Variants in ITSN2 observed in about 807,000 individuals in gnomAD.
ITSN2 encodes intersectin-2.
A neutral mutation model predicts 243.7 loss-of-function variants in ITSN2; 156 were observed. The ratio of observed to expected loss-of-function variants is 0.64; its 90% CI spans 0.56 to 0.73. ITSN2 has a LOEUF of 0.73. Ranked by LOEUF, ITSN2 falls within the 30% of genes least tolerant of loss-of-function variation. ITSN2 has a pLI of 0.00. For missense variants in ITSN2, 1,801 were observed against 1,996.1 expected (o/e 0.90, Z 1.86); for synonymous variants, 703 against 699.9 (o/e 1.00, Z -0.07).
At chr2:24,265,563 C>T (rs867751073) in intron 20 of ITSN2, among the ~76,000 whole-genome samples, 4 of 152,130 alleles carry the variant, frequency 2.6e-5, no homozygotes, top group South Asian at 2.1e-4. Context: ...TCTCCTTTTC[C>T]AATCTTGATG....
At chr2:24,290,923 T>C (rs1487806250) in intron 15 of ITSN2, among the ~76,000 whole-genome samples, 1 of 152,188 alleles carries the variant, frequency 6.6e-6, no homozygotes, top group African/African-American at 2.4e-5. Context: ...TACCAAAGTT[T>C]TTCTTTTTCA....
chr2:24,315,273 A>G, intron 2 of ITSN2, 49 bp from the exon 3 acceptor site: 1 of 981,878 alleles, frequency 1.0e-6, no homozygotes. Context: ...GAATGCTTAA[A>G]ATACAATTCT....
chr2:24,305,783 T>C (rs1017866926), intron 8 of ITSN2, among the ~76,000 whole-genome samples: 1 of 152,062 alleles, frequency 6.6e-6, no homozygotes, highest in Non-Finnish European at 1.5e-5. Context: ...AGAATAATAA[T>C]GACATTCCCT....
At chr2:24,356,370 A>G (rs375107225) in intron 1 of ITSN2, among the ~76,000 whole-genome samples, 16 of 151,654 alleles carry the variant, frequency 1.1e-4, no homozygotes, top group African/African-American at 3.9e-4. Flanking sequence ...AAAGAAAGAA[A>G]AAAAGAAACT....
intron 20 of ITSN2, 93 bp from the exon 21 acceptor site, chr2:24,261,835 C>T: frequency 1.1e-6 from 1 of 917,366 alleles, no homozygotes; most frequent in East Asian, 2.6e-5. Flanking sequence ...TTCTCATTTT[C>T]AGAATTAAGC....
At chr2:24,259,103 A>G (rs1276599819) in intron 22 of ITSN2, among the ~76,000 whole-genome samples, 8 of 152,236 alleles carry the variant, frequency 5.3e-5, no homozygotes, top group Non-Finnish European at 1.0e-4. Context: ...CCTAATACAC[A>G]TAGCTTAAAC....
chr2:24,274,187 T>C (rs1255956483), intron 18 of ITSN2, among the ~76,000 whole-genome samples: 1 of 152,202 alleles, frequency 6.6e-6, no homozygotes, highest in Non-Finnish European at 1.5e-5. Flanking sequence ...AGTTAAGCAG[T>C]AAATAAGAGC....
chr2:24,347,300 A>T (rs1476022836), intron 1 of ITSN2, among the ~76,000 whole-genome samples: 6 of 152,234 alleles, frequency 3.9e-5, no homozygotes, highest in Non-Finnish European at 8.8e-5. Flanking sequence ...TTAAAGTTAC[A>T]TTCACTCAGA....
At chr2:24,326,041 G>A (rs1230295489) in intron 2 of ITSN2, among the ~76,000 whole-genome samples, 1 of 152,108 alleles carries the variant, frequency 6.6e-6, no homozygotes, top group Admixed American at 6.6e-5. Flanking sequence ...AGGATTACTA[G>A]AGGAGCAAAG....
At chr2:24,226,397 A>G (rs956536920) in intron 29 of ITSN2, among the ~76,000 whole-genome samples, 4 of 152,246 alleles carry the variant, frequency 2.6e-5, no homozygotes, top group African/African-American at 9.6e-5. Flanking sequence ...TCTCTCCAGA[A>G]GAGTGACATG....
intron 17 of ITSN2, among the ~76,000 whole-genome samples, chr2:24,282,329 A>T (rs1224599482): frequency 6.6e-6 from 1 of 152,240 alleles, no homozygotes; most frequent in Non-Finnish European, 1.5e-5. Context: ...GAGTTTGGCC[A>T]GAGCAGTGAG....
chr2:24,208,631 A>AC (rs1558424302), intron 36 of ITSN2, among the ~76,000 whole-genome samples: 1 of 151,852 alleles, frequency 6.6e-6, no homozygotes, highest in Admixed American at 6.6e-5. Flanking sequence ...GAGCAGCAGC[A>AC]CCCCCCGGGT....
At chr2:24,326,608 G>A (rs141237068) in intron 2 of ITSN2, 2,145 of 168,952 alleles carry the variant, frequency 0.013, 20 homozygotes, top group Non-Finnish European at 0.018. Context: ...AATTGTCTGT[G>A]GCATCAATGT....
At chr2:24,360,949 A>C, upstream of ITSN2, among the ~76,000 whole-genome samples, 1 of 152,098 alleles carries the variant, frequency 6.6e-6, no homozygotes, top group East Asian at 1.9e-4. Context: ...AGTTTTCTCC[A>C]CTGATCTGGG....
At chr2:24,346,384 T>G (rs1420604760) in intron 1 of ITSN2, among the ~76,000 whole-genome samples, 1 of 152,178 alleles carries the variant, frequency 6.6e-6, no homozygotes, top group African/African-American at 2.4e-5. Context: ...TTTATATATC[T>G]CCTACAATAT....
chr2:24,333,429 T>C (rs944913809), intron 1 of ITSN2, among the ~76,000 whole-genome samples: 8 of 152,216 alleles, frequency 5.3e-5, no homozygotes, highest in African/African-American at 1.9e-4. Flanking sequence ...GGCGCCTGTT[T>C]CAGGCAAGTG....
At chr2:24,334,955 C>T (rs886382573) in intron 1 of ITSN2, 11 of 353,930 alleles carry the variant, frequency 3.1e-5, no homozygotes, top group Non-Finnish European at 4.3e-5. Context: ...CCCAGCTACT[C>T]GGGAGGCTGA....
Position 24,208,323 on chromosome 2 carries a change from C to T in ITSN2, c.4596-4G>A, listed in dbSNP as rs372187185. ...GATCTTCTGCACCCAGGCGGTCCTA[C>T]GGGAGAAGCAGGGGCAGCCGTTGGC... On this transcript the variant is annotated splice_polypyrimidine_tract_variant and splice_region_variant and intron_variant, in intron 36 of 39. Coordinates refer to ENST00000355123, the MANE Select transcript of ITSN2 (RefSeq NM_006277.3). 79 of 1,611,168 alleles carry T rather than the reference C, an allele frequency of 4.9e-5. No individual in the cohort carries two copies. In the African/African-American group the frequency reaches 7.8e-4, roughly 16 times the overall value.
intron 17 of ITSN2, among the ~76,000 whole-genome samples, chr2:24,280,971 G>A (rs976405620): frequency 2.6e-5 from 4 of 152,126 alleles, no homozygotes; most frequent in African/African-American, 7.2e-5. Flanking sequence ...TTCTTCAAAC[G>A]TAAGTTCTTA....
Sources: allele counts gnomAD v4.1 joint callset (sites outside exome capture counted in the v4.1 genomes callset), GRCh38; gene constraint gnomAD v4.1.1; transcripts MANE v1.5; gene names NCBI Gene and HGNC (gene_info 2026-07-23, HGNC 2026-07-21).